The following PGM1 variants were observed in gnomAD, a reference collection of about 807,000 sequenced individuals.
PGM1 encodes the protein phosphoglucomutase 1.
Under a neutral mutation model 55.6 loss-of-function variants are expected in PGM1, and 52 were observed. The ratio of observed to expected loss-of-function variants is 0.94; its 90% confidence interval spans 0.75 to 1.18. PGM1 has a LOEUF of 1.18. Ranked by LOEUF, PGM1 falls within the 50% of genes most tolerant of loss-of-function variation. The probability of loss-of-function intolerance (pLI) is 0.00; values close to 1 mark genes in which losing one functional copy is unlikely to be tolerated. For missense variants in PGM1, 724 were observed against 729.3 expected, an observed-to-expected ratio of 0.99 and a Z score of 0.08; for synonymous variants, 287 against 271.7, an observed-to-expected ratio of 1.06 and a Z score of -0.55.
At chr1:63,635,094 G>C in intron 5 of PGM1, 75 bp downstream of exon 5, 4 of 1,239,178 alleles carry the variant, frequency 3.2e-6, no homozygotes, top group Non-Finnish European at 3.6e-6. Flanking sequence ...AAAGTGGGCT[G>C]CTTCTGCCAG....
At chr1:63,627,907 A>C (rs1371202887) in intron 1 of PGM1, among the ~76,000 whole-genome samples, 1 of 152,136 alleles carries the variant, frequency 6.6e-6, no homozygotes, top group Non-Finnish European at 1.5e-5. Context: ...GTGTTGAGTC[A>C]GGACGTTTCA....
chr1:63,605,676 A>G (rs1032004757), intron 1 of PGM1, among the ~76,000 whole-genome samples: 3 of 152,120 alleles, frequency 2.0e-5, no homozygotes, highest in Admixed American at 1.3e-4. Flanking sequence ...TCTCAGGCTC[A>G]AGTGATCCTC....
intron 3 of PGM1, among the ~76,000 whole-genome samples, chr1:63,631,360 C>T (rs1324847797): frequency 6.6e-6 from 1 of 152,182 alleles, no homozygotes; most frequent in Non-Finnish European, 1.5e-5. Context: ...TTGAAAATCC[C>T]CTGTGTGCCT....
intron 3 of PGM1, among the ~76,000 whole-genome samples, chr1:63,630,297 A>C (rs541847280): frequency 6.6e-6 from 1 of 152,312 alleles, no homozygotes; most frequent in African/African-American, 2.4e-5. Flanking sequence ...GATCAGCTGC[A>C]TGACATCGAG....
chr1:63,634,671 G>T (rs980030981), intron 4 of PGM1, among the ~76,000 whole-genome samples, 158 bp from the exon 5 acceptor site: 1 of 152,008 alleles, frequency 6.6e-6, no homozygotes, highest in Non-Finnish European at 1.5e-5. Context: ...CCAGTCAGGC[G>T]TATCTCTCCA....
Position 63,631,674 on chromosome 1 carries a change from G to A in PGM1, c.574G>A (p.Val192Ile), listed in dbSNP as rs1240060113. Residue 192 changes from valine (V) to isoleucine (I), a missense_variant, in exon 4 of 11, where the codon GTA (valine) becomes ATA (isoleucine). This residue lies in a region of PGM1 where 379 missense variants were observed against 357.5 expected (regional missense o/e 1.06). Coordinates refer to ENST00000371084, the MANE Select transcript of PGM1 (RefSeq NM_002633.3). ...KPFTVEIVDS[V>I]EAYATMLRSI... Reference sequence around the variant, plus strand: ...TCTCACAGTGGAAATTGTGGATTCGGTAGAAGCTTATGCTACAATGCTGAG... The same window carrying A: ...TCTCACAGTGGAAATTGTGGATTCGATAGAAGCTTATGCTACAATGCTGAG... 3.1e-6 allele frequency: 5 copies of A among 1,613,336 alleles called. No homozygotes were observed. The highest frequency in any genetic ancestry group is 1.7e-6 in the Non-Finnish European group (2 of 1,179,412).
Position 63,654,323 on chromosome 1 carries a change from C to T in PGM1, c.1465-9C>T. On this transcript the variant is annotated splice_polypyrimidine_tract_variant and intron_variant, in intron 9 of 10. Transcript: ENST00000371084. ...TTTGGGGAAAAAAATCTCTGCTTAT[C>T]TTTTCCAGGGCTTGCGCCTCATTTT... The T allele has an allele frequency of 6.2e-7, 1 of 1,613,740 alleles. No individual in the cohort carries two copies. Among genetic ancestry groups the T allele is most frequent in the East Asian group, 2.2e-5 (1 of 44,874 alleles).
intron 1 of PGM1, among the ~76,000 whole-genome samples, chr1:63,623,997 G>A (rs1243373691): frequency 6.6e-6 from 1 of 152,206 alleles, no homozygotes; most frequent in East Asian, 1.9e-4. Flanking sequence ...GCTGTGTTCT[G>A]TTGCTTGACA....
chr1:63,631,750 G>A lies in PGM1; in HGVS notation c.650G>A (p.Arg217Gln), dbSNP rs188291855. 28 of 1,613,626 alleles carry A rather than the reference G, an allele frequency of 1.7e-5. 1 individual carries two copies. The highest frequency in any genetic ancestry group is 1.7e-4 in the Middle Eastern group (1 of 6,054). ...ALKELLSGPN[R>Q]LKIRIDAMHG... ...AAAGAACTACTTTCTGGGCCAAACC[G>A]ACTGAAGATCCGTATTGATGCTATG... The change falls in exon 4 of 11, where the codon CGA becomes CAA. Residue 217 changes from arginine (R) to glutamine (Q), a missense_variant. Coordinates refer to ENST00000371084, the MANE Select transcript of PGM1 (RefSeq NM_002633.3).
chr1:63,622,190 A>G (rs1201970894), intron 1 of PGM1, among the ~76,000 whole-genome samples: 3 of 151,134 alleles, frequency 2.0e-5, no homozygotes, highest in Admixed American at 2.0e-4. Context: ...ATGCCTGGCT[A>G]ATTTTTGTAT....
chr1:63,614,245 C>T (rs986783992), intron 1 of PGM1, among the ~76,000 whole-genome samples: 5 of 152,210 alleles, frequency 3.3e-5, no homozygotes, highest in Admixed American at 2.6e-4. Context: ...CTCCAAGATA[C>T]TAAAAAGTAT....
chr1:63,598,410 A>C (rs1332748617), intron 1 of PGM1, among the ~76,000 whole-genome samples: 1 of 152,228 alleles, frequency 6.6e-6, no homozygotes, highest in African/African-American at 2.4e-5. Flanking sequence ...CTTTACTGAC[A>C]TAGGAAGATT....
intron 3 of PGM1, 145 bp downstream of exon 3, chr1:63,630,233 G>T: frequency 2.2e-6 from 2 of 894,952 alleles, no homozygotes; most frequent in Non-Finnish European, 1.8e-6. Flanking sequence ...TAATTAACAA[G>T]TCTGGAATTA....
At chr1:63,625,480 G>A (rs1648992918) in intron 1 of PGM1, among the ~76,000 whole-genome samples, 1 of 152,204 alleles carries the variant, frequency 6.6e-6, no homozygotes, top group South Asian at 2.1e-4. Flanking sequence ...CTTTAAACCT[G>A]TGAAATTCTA....
chr1:63,633,641 T>C (rs769154924), intron 4 of PGM1, among the ~76,000 whole-genome samples: 2 of 151,952 alleles, frequency 1.3e-5, no homozygotes, highest in Non-Finnish European at 2.9e-5. Flanking sequence ...TGGCTTCTCC[T>C]GTTGTTTGTT....
At chr1:63,651,943 A>G (rs943971995) in intron 9 of PGM1, 91 bp downstream of exon 9, 33 of 1,253,014 alleles carry the variant, frequency 2.6e-5, no homozygotes, top group Non-Finnish European at 3.4e-5. Context: ...CCTGTTGGCT[A>G]TTTTTCTTTT....
At chr1:63,647,280 ATATATATATATATATATATATATAT>A (rs1557441421) in intron 7 of PGM1, among the ~76,000 whole-genome samples, 8 of 54,144 alleles carry the variant, frequency 1.5e-4, no homozygotes, top group African/African-American at 1.1e-3. Flanking sequence ...ATATATATAT[ATATATATATATATATATATATATAT>A]ATAGTATTAA....
intron 1 of PGM1, among the ~76,000 whole-genome samples, chr1:63,620,252 G>T (rs1383590487): frequency 6.6e-6 from 1 of 152,182 alleles, no homozygotes; most frequent in Non-Finnish European, 1.5e-5. Flanking sequence ...GCCTGGGGCT[G>T]AGCATTTACT....
intron 7 of PGM1, among the ~76,000 whole-genome samples, chr1:63,639,917 C>T (rs1649471310): frequency 6.6e-6 from 1 of 152,144 alleles, no homozygotes; most frequent in South Asian, 2.1e-4. Flanking sequence ...AATGAACTGC[C>T]TTGATAGAAT....
Sources: gnomAD v4.1 joint callset for allele counts (sites outside exome capture counted in the v4.1 genomes callset) on GRCh38, gnomAD v4.1.1 for gene constraint, gnomAD v4.1.1 regional missense constraint, MANE v1.5 for transcripts, NCBI Gene and HGNC (gene_info 2026-07-23, HGNC 2026-07-21) for gene names.